Variants in DOCK10 observed in about 807,000 individuals in gnomAD.
The protein encoded by DOCK10 is dedicator of cytokinesis 10.
Under a neutral mutation model 280.1 loss-of-function variants are expected in DOCK10, and 145 were observed. That is an observed-to-expected ratio of 0.52 (90% confidence interval 0.45 to 0.59). The LOEUF (loss-of-function observed/expected upper bound fraction) is 0.59, where lower values mean the gene tolerates loss of function less well. DOCK10 is among the 20% of genes least tolerant of loss of function. The pLI is 0.00. For synonymous variants in DOCK10, 915 were observed against 942.2 expected (o/e 0.97, Z 0.53); for missense variants, 2,368 against 2,651.7 (o/e 0.89, Z 2.35).
intron 31 of DOCK10, among the ~76,000 whole-genome samples, chr2:224,810,797 C>T (rs184865022): frequency 0.014 from 2,159 of 151,936 alleles, 50 homozygotes; most frequent in African/African-American, 0.048. Context: ...ATCCATGTCC[C>T]TACAAAGGAC....
chr2:225,042,126 G>T lies in DOCK10; in HGVS notation c.123+126C>A, dbSNP rs1575182403. 4.6e-6 allele frequency: 5 copies of T among 1,089,064 alleles called. No homozygotes were observed. The highest frequency in any genetic ancestry group is 5.8e-6 in the Non-Finnish European group (5 of 864,786). 67.5% of individuals were successfully genotyped at this position (1,089,064 alleles called of 1,614,324 possible). On this transcript the variant is annotated intron_variant, in intron 1 of 55. Transcript: ENST00000258390. This position sits in a 1 kb window ranked among gnomAD's most constrained non-coding sequence, Gnocchi z 5.1. ...GAGCCCGCAGAGGCGGCGGGGGAGG[G>T]AGTGCGGAGGAGAGGACCCGTGAGC...
intron 29 of DOCK10, among the ~76,000 whole-genome samples, chr2:224,817,095 C>G (rs1006852848): frequency 6.6e-6 from 1 of 152,210 alleles, no homozygotes; most frequent in African/African-American, 2.4e-5. Context: ...GATAATGAAA[C>G]AGACTTCTAC....
chr2:225,018,161 A>T (rs893696806), intron 1 of DOCK10, among the ~76,000 whole-genome samples: 1 of 152,178 alleles, frequency 6.6e-6, no homozygotes, highest in African/African-American at 2.4e-5. Context: ...CAGTACATCA[A>T]GAAACTTTTT....
intron 1 of DOCK10, among the ~76,000 whole-genome samples, chr2:224,956,300 T>C (rs774898544): frequency 5.3e-5 from 8 of 152,120 alleles, no homozygotes; most frequent in Non-Finnish European, 1.2e-4. Flanking sequence ...GTAGCTCTCA[T>C]TTGGGGGGTT....
At chr2:225,035,519 G>T (rs1575178067) in intron 1 of DOCK10, among the ~76,000 whole-genome samples, 2 of 94,174 alleles carry the variant, frequency 2.1e-5, no homozygotes, top group Non-Finnish European at 4.5e-5. Context: ...TATCAATATA[G>T]ATCTTATATG....
chr2:224,974,873 C>CGT (rs1178102712), intron 1 of DOCK10, among the ~76,000 whole-genome samples: 4 of 93,042 alleles, frequency 4.3e-5, no homozygotes, highest in Non-Finnish European at 1.2e-4. Context: ...AGTATATATA[C>CGT]GTGTGTGTGT....
In DOCK10 at chr2:224,865,052, G is replaced by A; in HGVS notation, c.1293C>T (p.Asp431=). 1 of 1,613,850 alleles carries A rather than the reference G, an allele frequency of 6.2e-7. No homozygotes were observed. Among genetic ancestry groups the A allele is most frequent in the Non-Finnish European group, 8.5e-7 (1 of 1,179,874 alleles). The part of the protein sequence containing the change: ...EPFFVSVALY[D]LRDSRKISAD... ...CAGAAATCTTCCTGCTGTCTCTGAG[G>A]TCATAAAGTGCCACACTCACAAAAA... The change falls in exon 12 of 56, where the codon GAC becomes GAT. Residue 431 remains aspartate (D), a synonymous_variant. Coordinates refer to ENST00000258390, the MANE Select transcript of DOCK10 (RefSeq NM_014689.3).
chr2:224,954,131 G>GA (rs1389895339), intron 1 of DOCK10, among the ~76,000 whole-genome samples: 1 of 152,198 alleles, frequency 6.6e-6, no homozygotes, highest in African/African-American at 2.4e-5. Flanking sequence ...GTTAGAAGGT[G>GA]AAAATTCTCA....
chr2:224,981,313 C>A (rs905278253), intron 1 of DOCK10, among the ~76,000 whole-genome samples: 2 of 152,032 alleles, frequency 1.3e-5, no homozygotes, highest in South Asian at 2.1e-4. Context: ...GAGGCATAGC[C>A]CAAGCCAAAT....
intron 1 of DOCK10, among the ~76,000 whole-genome samples, chr2:225,024,989 G>T (rs1007848527): frequency 2.0e-5 from 3 of 152,152 alleles, no homozygotes; most frequent in Non-Finnish European, 4.4e-5. Flanking sequence ...AGCTGACGGA[G>T]GTCTGCAAAG....
chr2:224,914,902 G>A (rs1701226694), intron 3 of DOCK10, among the ~76,000 whole-genome samples: 1 of 152,080 alleles, frequency 6.6e-6, no homozygotes, highest in Non-Finnish European at 1.5e-5. Flanking sequence ...TAGCAAGCTA[G>A]TTATTCATAT....
chr2:225,000,227 C>CACACACACACACACACAG (rs1706396079), intron 1 of DOCK10, among the ~76,000 whole-genome samples: 2 of 36,188 alleles, frequency 5.5e-5, no homozygotes, highest in Admixed American at 4.0e-4. Context: ...CACACACAGA[C>CACACACACACACACACAG]ACACACACAC....
At chr2:224,945,966 C>G (rs942124023) in intron 1 of DOCK10, among the ~76,000 whole-genome samples, 1 of 152,114 alleles carries the variant, frequency 6.6e-6, no homozygotes, top group African/African-American at 2.4e-5. Flanking sequence ...ATGACAATAG[C>G]GCTGAGGTTG....
intron 11 of DOCK10, among the ~76,000 whole-genome samples, chr2:224,870,983 T>C (rs1445366319): frequency 6.6e-6 from 1 of 151,872 alleles, no homozygotes; most frequent in Non-Finnish European, 1.5e-5. Flanking sequence ...TGTGCCACTG[T>C]GTACAGCTAA....
In DOCK10 at chr2:224,920,940, G is replaced by A. The variant is rs375071620; in HGVS notation, c.244-4156C>T. On this transcript the variant is annotated intron_variant, in intron 2 of 55. Transcript: ENST00000258390. ...TGTAGTAAACTTACTGTCCCACTAC[G>A]ATCACTGCTCTGTGACATAATAAAA... is the stretch of plus-strand genomic sequence containing the variant. Among the ~76,000 whole-genome samples the A allele has an allele frequency of 3.1e-4, 46 of 150,266 alleles. No homozygotes were observed. The South Asian group carries it at 8.2e-3, about 27-fold the overall frequency.
At chr2:224,942,814 A>G (rs1416644038) in intron 1 of DOCK10, among the ~76,000 whole-genome samples, 1 of 152,212 alleles carries the variant, frequency 6.6e-6, no homozygotes, top group East Asian at 1.9e-4. Context: ...TTTCATGGGT[A>G]TCCAGTTTTC....
chr2:224,978,723 G>C (rs1705581291), intron 1 of DOCK10, among the ~76,000 whole-genome samples: 1 of 152,040 alleles, frequency 6.6e-6, no homozygotes, highest in African/African-American at 2.4e-5. Flanking sequence ...GTTTACATTG[G>C]GCTAGGCTTT....
intron 33 of DOCK10, 75 bp from the exon 34 acceptor site, chr2:224,806,312 G>A (rs1303668483): frequency 1.2e-5 from 9 of 721,506 alleles, no homozygotes; most frequent in Middle Eastern, 2.4e-4. Flanking sequence ...TGCCTTCTTC[G>A]TTACACTTCC....
intron 1 of DOCK10, among the ~76,000 whole-genome samples, chr2:224,950,191 G>A (rs1229261962): frequency 6.6e-6 from 1 of 152,178 alleles, no homozygotes; most frequent in African/African-American, 2.4e-5. Context: ...CATTAATCTA[G>A]ATATTAACAT....
Sources: allele counts gnomAD v4.1 joint callset (sites outside exome capture counted in the v4.1 genomes callset), GRCh38; gene constraint gnomAD v4.1.1; non-coding constraint Gnocchi (gnomAD v3.1); transcripts MANE v1.5; gene names NCBI Gene and HGNC (gene_info 2026-07-23, HGNC 2026-07-21).